Variants in NLGN1 observed in about 807,000 individuals in gnomAD.
NLGN1 encodes the protein neuroligin-1.
NLGN1 carries 12 observed loss-of-function variants against 65.5 expected under a neutral mutation model. The observed-to-expected ratio is 0.18, with a 90% CI of 0.12 to 0.30. NLGN1 has a LOEUF of 0.30. NLGN1 is among the 10% of genes least tolerant of loss of function. NLGN1 has a pLI of 1.00. For synonymous variants in NLGN1, 350 were observed against 359.5 expected, an observed-to-expected ratio of 0.97 and a Z score of 0.30; for missense variants, 750 against 1,007.1, an observed-to-expected ratio of 0.74 and a Z score of 3.46.
chr3:173,808,491 G>A (rs752618462), intron 4 of NLGN1, among the ~76,000 whole-genome samples: 1 of 151,922 alleles, frequency 6.6e-6, no homozygotes, highest in Non-Finnish European at 1.5e-5. Context: ...AAATAACTTA[G>A]GTATTCTGAG....
Position 173,935,641 on chromosome 3 carries a change from C to G in NLGN1, c.646+127809C>G, listed in dbSNP as rs1039153323. Among the ~76,000 whole-genome samples, 31 of 138,372 alleles carry G rather than the reference C, an allele frequency of 2.2e-4. No homozygotes were observed. In the South Asian group the frequency reaches 4.5e-3, roughly 20 times the overall value. The allele number at this position is 138,372 out of a possible 152,430, so 90.8% of individuals were successfully genotyped here. A position where few individuals can be genotyped will look rare whatever the true frequency, so the allele number is the denominator to read the frequency against. On this transcript the variant is annotated intron_variant, in intron 4 of 6. Transcript: ENST00000457714. ...ACACACACTCTCTCTCTCTCTCTCT[C>G]TCTCTCTCTCTGTCTCTCTCTGCCT...
At chr3:173,631,715 T>C (rs1755715042) in intron 3 of NLGN1, among the ~76,000 whole-genome samples, 2 of 152,156 alleles carry the variant, frequency 1.3e-5, no homozygotes, top group South Asian at 4.1e-4. Flanking sequence ...GATATAGTTA[T>C]TTGCTCAAAG....
At chr3:173,485,987 C>A (rs1353662926) in intron 2 of NLGN1, among the ~76,000 whole-genome samples, 1 of 151,958 alleles carries the variant, frequency 6.6e-6, no homozygotes, top group Non-Finnish European at 1.5e-5. Flanking sequence ...CTGGCAAGGC[C>A]TCCCAGTGTA....
At chr3:173,864,620 A>G (rs1729763589) in intron 4 of NLGN1, among the ~76,000 whole-genome samples, 1 of 152,118 alleles carries the variant, frequency 6.6e-6, no homozygotes, top group African/African-American at 2.4e-5. Context: ...ATCTGTTATG[A>G]TTTTACCATT....
intron 2 of NLGN1, among the ~76,000 whole-genome samples, chr3:173,474,732 G>A (rs1725895402): frequency 6.6e-6 from 1 of 152,088 alleles, no homozygotes; most frequent in African/African-American, 2.4e-5. Context: ...GGCCGAGGTG[G>A]GTGGATCACG....
At chr3:173,863,856 T>G (rs1729615188) in intron 4 of NLGN1, among the ~76,000 whole-genome samples, 1 of 152,186 alleles carries the variant, frequency 6.6e-6, no homozygotes, top group South Asian at 2.1e-4. Context: ...AGAAGAGAGC[T>G]TGATTGGCCA....
intron 3 of NLGN1, among the ~76,000 whole-genome samples, chr3:173,756,675 T>A (rs188859906): frequency 6.6e-6 from 1 of 151,758 alleles, no homozygotes. Context: ...AATGGCTGAT[T>A]ACAGATCTGT....
At chr3:174,138,165 G>A (rs1171857673) in intron 4 of NLGN1, among the ~76,000 whole-genome samples, 2 of 152,010 alleles carry the variant, frequency 1.3e-5, no homozygotes, top group African/African-American at 2.4e-5. Context: ...TTAATAGCAC[G>A]TTTGGTCTCA....
At chr3:173,791,463 T>A (rs1712721514) in intron 3 of NLGN1, among the ~76,000 whole-genome samples, 1 of 152,090 alleles carries the variant, frequency 6.6e-6, no homozygotes, top group African/African-American at 2.4e-5. Flanking sequence ...TTATTTAGTT[T>A]GAACTCTAGG....
intron 2 of NLGN1, among the ~76,000 whole-genome samples, chr3:173,492,852 C>A (rs1200526379): frequency 6.6e-6 from 1 of 151,690 alleles, no homozygotes; most frequent in African/African-American, 2.4e-5. Flanking sequence ...GCTAGAGAAA[C>A]CCTATGCTTT....
chr3:173,896,518 G>T (rs1359043101), intron 4 of NLGN1, among the ~76,000 whole-genome samples: 3 of 152,118 alleles, frequency 2.0e-5, no homozygotes, highest in Admixed American at 6.5e-5. Flanking sequence ...AGTTCTTCAT[G>T]CCCTGGGAAG....
At chr3:173,975,755 C>T (rs1001368649) in intron 4 of NLGN1, among the ~76,000 whole-genome samples, 8 of 151,956 alleles carry the variant, frequency 5.3e-5, no homozygotes, top group Non-Finnish European at 1.2e-4. Flanking sequence ...CCCACACTAT[C>T]ATTTTCTTGC....
intron 3 of NLGN1, among the ~76,000 whole-genome samples, chr3:173,694,337 A>C (rs1765890087): frequency 6.6e-6 from 1 of 152,178 alleles, no homozygotes; most frequent in Non-Finnish European, 1.5e-5. Context: ...AACTAACTGA[A>C]AATTGTTTGG....
At chr3:174,248,892 G>A (rs554205662) in intron 4 of NLGN1, among the ~76,000 whole-genome samples, 15 of 152,300 alleles carry the variant, frequency 9.8e-5, no homozygotes, top group South Asian at 2.1e-4. Context: ...TTTCATATTC[G>A]AGTTTTTTAA....
At chr3:173,862,797 C>T (rs1729405624) in intron 4 of NLGN1, among the ~76,000 whole-genome samples, 1 of 151,986 alleles carries the variant, frequency 6.6e-6, no homozygotes, top group Non-Finnish European at 1.5e-5. Context: ...ATTTGGTTGG[C>T]AAGATATCTT....
chr3:174,079,262 A>C (rs1230600907), intron 4 of NLGN1, among the ~76,000 whole-genome samples: 1 of 152,220 alleles, frequency 6.6e-6, no homozygotes, highest in Non-Finnish European at 1.5e-5. Context: ...GGAGATATAC[A>C]TGCGGCCAAC....
intron 4 of NLGN1, among the ~76,000 whole-genome samples, chr3:174,052,421 A>C (rs1735108146): frequency 6.6e-6 from 1 of 152,052 alleles, no homozygotes; most frequent in Non-Finnish European, 1.5e-5. Flanking sequence ...AATGTACTTG[A>C]GAATGCATAA....
intron 4 of NLGN1, among the ~76,000 whole-genome samples, chr3:174,010,930 C>A (rs1243065144): frequency 6.6e-6 from 1 of 152,096 alleles, no homozygotes. Flanking sequence ...TTGCCCCATT[C>A]AATTACTGCT....
At chr3:173,603,216 G>T (rs1245073012) in intron 2 of NLGN1, among the ~76,000 whole-genome samples, 2 of 152,060 alleles carry the variant, frequency 1.3e-5, no homozygotes, top group African/African-American at 2.4e-5. Context: ...CACTTCAAAA[G>T]GTTGCTTGAA....
Sources: allele counts gnomAD v4.1 joint callset (sites outside exome capture counted in the v4.1 genomes callset), GRCh38; gene constraint gnomAD v4.1.1; transcripts MANE v1.5; gene names NCBI Gene and HGNC (gene_info 2026-07-23, HGNC 2026-07-21).